Variants in CCDC192 observed in about 807,000 individuals in gnomAD.
CCDC192 encodes coiled-coil domain-containing protein 192.
At chr5:127,928,100 G>C (rs966042050) in intron 6 of CCDC192, among the ~76,000 whole-genome samples, 37 of 151,888 alleles carry the variant, frequency 2.4e-4, no homozygotes, top group Admixed American at 2.4e-3. Context: ...GCTAATTTCT[G>C]TATGTTTAGT....
At chr5:127,804,818 G>A (rs1016756063) in intron 5 of CCDC192, among the ~76,000 whole-genome samples, 114 of 152,180 alleles carry the variant, frequency 7.5e-4, no homozygotes, top group African/African-American at 2.7e-3. Flanking sequence ...GATTGTGATG[G>A]TGGTAAAATC....
intron 2 of CCDC192, among the ~76,000 whole-genome samples, chr5:127,745,140 T>C (rs1025285596): frequency 4.6e-4 from 70 of 152,176 alleles, no homozygotes; most frequent in African/African-American, 1.7e-3. Context: ...CAAAGTCCCA[T>C]CTGTCTTCTG....
intron 5 of CCDC192, among the ~76,000 whole-genome samples, chr5:127,808,582 T>C (rs1201681399): frequency 6.6e-6 from 1 of 152,150 alleles, no homozygotes; most frequent in East Asian, 1.9e-4. Context: ...GGACTTGGAA[T>C]TCACTAAGAA....
chr5:127,738,668 C>T (rs1004853581), intron 2 of CCDC192, among the ~76,000 whole-genome samples: 1 of 151,920 alleles, frequency 6.6e-6, no homozygotes, highest in Non-Finnish European at 1.5e-5. Flanking sequence ...CTTCTCGCTT[C>T]ATTTCATTCA....
chr5:127,828,040 G>A (rs909309690), intron 5 of CCDC192, among the ~76,000 whole-genome samples: 4 of 152,142 alleles, frequency 2.6e-5, no homozygotes, highest in African/African-American at 9.7e-5. Context: ...CTGAGTAGCT[G>A]GGATTACAGG....
chr5:127,765,738 G>A (rs1755185228), intron 3 of CCDC192, among the ~76,000 whole-genome samples: 1 of 152,140 alleles, frequency 6.6e-6, no homozygotes, highest in South Asian at 2.1e-4. Context: ...TCCAAAGAGG[G>A]GAGCCTCATC....
At chr5:127,766,676 A>G (rs1037459385) in intron 3 of CCDC192, among the ~76,000 whole-genome samples, 2 of 148,864 alleles carry the variant, frequency 1.3e-5, no homozygotes, top group East Asian at 2.0e-4. Context: ...TACCTCAAAT[A>G]TGTTGTCTCA....
intron 3 of CCDC192, among the ~76,000 whole-genome samples, chr5:127,769,672 G>A (rs943442316): frequency 1.3e-5 from 2 of 152,186 alleles, no homozygotes; most frequent in African/African-American, 2.4e-5. Context: ...GAAACAGAAA[G>A]GGGAGAGTGT....
intron 5 of CCDC192, among the ~76,000 whole-genome samples, chr5:127,857,351 A>G (rs1435030193): frequency 6.6e-6 from 1 of 152,150 alleles, no homozygotes; most frequent in Non-Finnish European, 1.5e-5. Context: ...AACCCTGTTA[A>G]TGTTAACTCT....
At chr5:127,759,792 C>T (rs183300447) in intron 3 of CCDC192, among the ~76,000 whole-genome samples, 109 of 152,330 alleles carry the variant, frequency 7.2e-4, no homozygotes, top group African/African-American at 2.5e-3. Flanking sequence ...ACCCAAGCTC[C>T]CTTGTCATAA....
intron 6 of CCDC192, among the ~76,000 whole-genome samples, chr5:127,917,370 G>GAAC (rs1393706141): frequency 2.0e-5 from 3 of 152,184 alleles, no homozygotes; most frequent in African/African-American, 7.2e-5. Context: ...TTCCCTTCAA[G>GAAC]AACTTTTCTT....
intron 6 of CCDC192, among the ~76,000 whole-genome samples, chr5:127,933,683 T>C (rs1021361840): frequency 6.6e-6 from 1 of 152,204 alleles, no homozygotes; most frequent in African/African-American, 2.4e-5. Flanking sequence ...TGAATGTTTG[T>C]GGTCCTCCAA....
In CCDC192 at chr5:127,809,737, G is replaced by A. The variant is rs73345090; in HGVS notation, c.411+11575G>A. Among the ~76,000 whole-genome samples the A allele has an allele frequency of 5.5e-3, 834 of 152,184 alleles. 3 individuals are homozygous for A. The highest frequency in any genetic ancestry group is 0.018 in the African/African-American group (760 of 41,520). On this transcript the variant is annotated intron_variant, in intron 5 of 6. Coordinates refer to ENST00000514853, the MANE Select transcript of CCDC192 (RefSeq NM_001317938.2). ...CCAGCTGGCAAAGTCTACTGCAGTC[G>A]AAGGCCAAGTAAGTAATGTAGAAGA...
rs562612523 is a variant in CCDC192 at position 127,721,081 on chromosome 5, T to C, written c.114+13321T>C. ...TTTGGCTCCTCTTTACATATGCAAA[T>C]TTCTGTAGCTGGCTTGAATTTCTCC... On this transcript the variant is annotated intron_variant, in intron 2 of 6. Coordinates refer to ENST00000514853, the MANE Select transcript of CCDC192 (RefSeq NM_001317938.2). Among the ~76,000 whole-genome samples the C allele has an allele frequency of 3.9e-5, 6 of 152,340 alleles. No individual in the cohort carries two copies. In the South Asian group the frequency reaches 1.0e-3, roughly 26 times the overall value.
At chr5:127,923,020 G>A (rs1163692686) in intron 6 of CCDC192, among the ~76,000 whole-genome samples, 3 of 152,202 alleles carry the variant, frequency 2.0e-5, no homozygotes, top group Non-Finnish European at 4.4e-5. Context: ...GGAAGAAGCT[G>A]GCACTGTAAA....
chr5:127,884,081 C>T (rs545075783), intron 6 of CCDC192, among the ~76,000 whole-genome samples: 149 of 152,102 alleles, frequency 9.8e-4, no homozygotes, highest in African/African-American at 3.5e-3. Flanking sequence ...GTAACAGAGG[C>T]ATGATTTCTG....
chr5:127,847,527 T>C (rs1295929103), intron 5 of CCDC192, among the ~76,000 whole-genome samples: 1 of 152,130 alleles, frequency 6.6e-6, no homozygotes, highest in Non-Finnish European at 1.5e-5. Context: ...TTGACTTCCC[T>C]CATAACTAAA....
chr5:127,846,819 C>CAAA (rs551016691), intron 5 of CCDC192, among the ~76,000 whole-genome samples: 12 of 63,676 alleles, frequency 1.9e-4, no homozygotes, highest in Non-Finnish European at 2.6e-4. Flanking sequence ...GTCAATAAAG[C>CAAA]AAAAAAAAAA....
chr5:127,808,466 G>A (rs1200590809), intron 5 of CCDC192, among the ~76,000 whole-genome samples: 1 of 152,060 alleles, frequency 6.6e-6, no homozygotes, highest in Non-Finnish European at 1.5e-5. Flanking sequence ...TGTGGATTCA[G>A]TTACATAATT....
Sources: gnomAD v4.1 joint callset for allele counts (sites outside exome capture counted in the v4.1 genomes callset) on GRCh38, gnomAD v4.1.1 for gene constraint, MANE v1.5 for transcripts, NCBI Gene and HGNC (gene_info 2026-07-23, HGNC 2026-07-21) for gene names.